The following LMO7 variants were observed in gnomAD, a reference collection of about 807,000 sequenced individuals.
The protein encoded by LMO7 is LIM domain 7.
Under a neutral mutation model 206.5 loss-of-function variants are expected in LMO7, and 120 were observed. The ratio of observed to expected loss-of-function variants is 0.58; its 90% CI spans 0.50 to 0.68. The LOEUF (loss-of-function observed/expected upper bound fraction) is 0.68. Among genes scored for constraint, LMO7 ranks in the 30% least tolerant of loss-of-function variants. The probability of loss-of-function intolerance (pLI) is 0.00; values close to 1 mark genes in which losing one functional copy is unlikely to be tolerated. For synonymous variants in LMO7, 706 were observed against 681.5 expected, an observed-to-expected ratio of 1.04 and a Z score of -0.56; for missense variants, 1,959 against 1,957.9, an observed-to-expected ratio of 1.00 and a Z score of -0.01.
At position 75,792,319 on chromosome 13, in the gene LMO7, T is replaced by C. The variant is rs75327324; in HGVS notation, c.318-3082T>C. ...AGAAGGAAATTTCCTTCTAATCTAC[T>C]GAAACAGAGGGCATTATCCCTACTT... is the stretch of plus-strand genomic sequence containing the variant. On this transcript the variant is annotated intron_variant, in intron 4 of 30. Coordinates refer to ENST00000377534, the MANE Select transcript of LMO7 (RefSeq NM_001306080.2). 1.4e-3 allele frequency among the ~76,000 whole-genome samples: 206 copies of C among 152,278 alleles called. 1 individual carries two copies. The highest frequency in any genetic ancestry group is 4.1e-3 in the Admixed American group (63 of 15,300).
chr13:75,762,796 A>G (rs1456914223), intron 4 of LMO7, among the ~76,000 whole-genome samples: 1 of 152,132 alleles, frequency 6.6e-6, no homozygotes, highest in Non-Finnish European at 1.5e-5. Context: ...CCTTGACTTC[A>G]CTTAAGAACA....
chr13:75,708,965 A>T (rs1210232246), intron 1 of LMO7, among the ~76,000 whole-genome samples: 4 of 151,144 alleles, frequency 2.6e-5, no homozygotes, highest in Admixed American at 2.6e-4. Flanking sequence ...ACCCCACAAC[A>T]GGCCCCGGTG....
In LMO7 at chr13:75,639,589, T is replaced by C. The variant is rs539913268; in HGVS notation, c.69+2863T>C. ...GTGGTGGAAAATACAGCCTGGACTCTAATTTTAGGCCTCTTCTGCAGTACC... is the reference window on the plus strand; with the variant it reads ...GTGGTGGAAAATACAGCCTGGACTCCAATTTTAGGCCTCTTCTGCAGTACC... On this transcript the variant is annotated intron_variant, in intron 1 of 30. Transcript: ENST00000377534. Among the ~76,000 whole-genome samples, 11 of 152,362 alleles carry C rather than the reference T, an allele frequency of 7.2e-5. No homozygotes were observed. In the South Asian group the frequency reaches 2.1e-3, roughly 29 times the overall value.
At chr13:75,727,893 G>A (rs992963403) in intron 3 of LMO7, among the ~76,000 whole-genome samples, 5 of 150,766 alleles carry the variant, frequency 3.3e-5, no homozygotes, top group African/African-American at 4.9e-5. Flanking sequence ...TTTTGTCCTT[G>A]CGATAGTTTA....
chr13:75,792,845 G>A (rs1320912866), intron 4 of LMO7, among the ~76,000 whole-genome samples: 1 of 152,186 alleles, frequency 6.6e-6, no homozygotes, highest in Admixed American at 6.5e-5. Flanking sequence ...CTCATATTTA[G>A]AAGGGAATGT....
chr13:75,701,523 G>A (rs1047180109), intron 1 of LMO7, among the ~76,000 whole-genome samples: 16 of 152,074 alleles, frequency 1.1e-4, no homozygotes, highest in African/African-American at 3.6e-4. Flanking sequence ...AAAAAATGAC[G>A]CCATCTTTTT....
chr13:75,804,940 C>T lies in LMO7; in HGVS notation c.914+399C>T, dbSNP rs2055248333. The T allele has an allele frequency of 7.0e-6, 7 of 1,005,106 alleles. No individual in the cohort carries two copies. The South Asian group carries it at 2.2e-4, about 32-fold the overall frequency. The allele number at this position is 1,005,106 out of a possible 1,614,324, so 62.3% of individuals were successfully genotyped here. On this transcript the variant is annotated intron_variant, in intron 8 of 30. Coordinates refer to ENST00000377534, the MANE Select transcript of LMO7 (RefSeq NM_001306080.2). The stretch of plus-strand genomic sequence containing the variant: ...TGTGGTTTTGCAAATCCAGCTTCCT[C>T]TCATGGGGAGGCGTACGGTTTTGAA...
chr13:75,855,221 C>T (rs1353560695), intron 28 of LMO7, 39 bp from the exon 29 acceptor site: 1 of 1,253,762 alleles, frequency 8.0e-7, no homozygotes, highest in Non-Finnish European at 1.2e-6. Flanking sequence ...TTGAGCTGCC[C>T]AGGTGAAAGC....
intron 26 of LMO7, among the ~76,000 whole-genome samples, chr13:75,846,103 T>TAA (rs34018345): frequency 0.01 from 1,518 of 147,126 alleles, 30 homozygotes; most frequent in African/African-American, 0.034. Flanking sequence ...ACAGAAAAGT[T>TAA]AAAAAAAAAA....
chr13:75,800,820 C>G lies in LMO7; in HGVS notation c.599C>G (p.Ser200Cys), dbSNP rs1407300130. 1.2e-6 allele frequency: 2 copies of G among 1,614,064 alleles called. No homozygotes were observed. The highest frequency in any genetic ancestry group is 1.7e-6 in the Non-Finnish European group (2 of 1,180,008). ...GAAGATTCCTTTGAAAGCTTGGACT[C>G]TTTGGGCTCGAGGTCATTGACAAGC... The part of the protein sequence containing the change: ...KREDSFESLD[S>C]LGSRSLTSCS... Residue 200 changes from serine to cysteine, a missense_variant, in exon 7 of 31, where the codon TCT (serine) becomes TGT (cysteine). Physicochemically the swap from Ser to Cys is moderately radical, Grantham distance 112. Coordinates refer to ENST00000377534, the MANE Select transcript of LMO7 (RefSeq NM_001306080.2).
chr13:75,688,922 T>C (rs2041235008), intron 1 of LMO7: 2 of 152,222 alleles, frequency 1.3e-5, no homozygotes, highest in Admixed American at 1.3e-4. Context: ...ATTTATCTTT[T>C]TGAGTATTTT....
At chr13:75,753,098 A>G (rs1011457141) in intron 3 of LMO7, among the ~76,000 whole-genome samples, 1 of 152,078 alleles carries the variant, frequency 6.6e-6, no homozygotes, top group Non-Finnish European at 1.5e-5. Flanking sequence ...AACATCTGTC[A>G]TTTTCTGTCT....
chr13:75,706,752 C>A (rs1256916778), intron 1 of LMO7, among the ~76,000 whole-genome samples: 2 of 151,724 alleles, frequency 1.3e-5, no homozygotes, highest in Non-Finnish European at 2.9e-5. Flanking sequence ...TGTAAAATAC[C>A]CTAATTTTAA....
intron 19 of LMO7, among the ~76,000 whole-genome samples, chr13:75,837,019 G>T (rs1186648370): frequency 6.6e-6 from 1 of 152,092 alleles, no homozygotes; most frequent in Admixed American, 6.5e-5. Flanking sequence ...TATTCCTTGG[G>T]CACAGAAAAA....
chr13:75,684,252 A>C (rs1247211813), intron 1 of LMO7, among the ~76,000 whole-genome samples: 2 of 152,026 alleles, frequency 1.3e-5, no homozygotes, highest in African/African-American at 4.8e-5. Flanking sequence ...TTTTTTCTTG[A>C]GATGCAGTTT....
chr13:75,714,973 G>T (rs1473852091), intron 2 of LMO7, among the ~76,000 whole-genome samples: 2 of 151,998 alleles, frequency 1.3e-5, no homozygotes, highest in Non-Finnish European at 2.9e-5. Context: ...GTGTGCCTAT[G>T]AAGCACGGAG....
intron 1 of LMO7, among the ~76,000 whole-genome samples, chr13:75,640,837 C>T (rs937929308): frequency 6.6e-6 from 1 of 152,182 alleles, no homozygotes; most frequent in African/African-American, 2.4e-5. Flanking sequence ...TTGGAACCTG[C>T]TACAGGATGT....
intron 4 of LMO7, among the ~76,000 whole-genome samples, chr13:75,781,668 G>T (rs1218722989): frequency 6.7e-6 from 1 of 150,268 alleles, no homozygotes; most frequent in East Asian, 2.0e-4. Context: ...GGGTCAAATG[G>T]TATTTCTAGT....
chr13:75,858,237 T>C lies in LMO7; in HGVS notation c.*294T>C, dbSNP rs1454864994. 3.0e-6 allele frequency: 1 copy of C among 328,690 alleles called. No homozygotes were observed. The allele number at this position is 328,690 out of a possible 1,614,324, so 20.4% of individuals were successfully genotyped here. ...AACCTACGAATATTTTTGAGGCAGA[T>C]AATGATCTAGTTTGACTTTCTAGTT... On this transcript the variant is annotated 3_prime_UTR_variant, in exon 31 of 31. Transcript: ENST00000377534.
Sources: allele counts gnomAD v4.1 joint callset (sites outside exome capture counted in the v4.1 genomes callset), GRCh38; gene constraint gnomAD v4.1.1; transcripts MANE v1.5; gene names NCBI Gene and HGNC (gene_info 2026-07-23, HGNC 2026-07-21).